DCLK1: variants seen among roughly 807,000 people sequenced by gnomAD.
DCLK1 encodes the protein doublecortin like kinase 1, also known as serine/threonine-protein kinase DCLK1.
In DCLK1, 16 loss-of-function variants were observed where a neutral mutation model predicts 86.2. The observed-to-expected ratio is 0.19, with a 90% confidence interval of 0.13 to 0.28. The LOEUF is 0.28. Ranked by LOEUF, DCLK1 falls within the 10% of genes least tolerant of loss-of-function variation. DCLK1 has a pLI of 1.00. For missense variants in DCLK1, 590 were observed against 940.2 expected (o/e 0.63, Z 4.87); for synonymous variants, 369 against 370.5 (o/e 1.00, Z 0.05).
intron 3 of DCLK1, among the ~76,000 whole-genome samples, chr13:35,965,303 C>T (rs1282264609): frequency 3.3e-5 from 5 of 152,182 alleles, no homozygotes; most frequent in Non-Finnish European, 1.5e-5. Context: ...ATGAGCCAGG[C>T]TGGGCATGCG....
At chr13:36,121,941 T>A (rs1886008192) in intron 2 of DCLK1, among the ~76,000 whole-genome samples, 1 of 152,200 alleles carries the variant, frequency 6.6e-6, no homozygotes, top group South Asian at 2.1e-4. Flanking sequence ...CCCTGTTTTT[T>A]GTTTTTGCTT....
At chr13:35,958,045 CCA>C (rs1878128289) in intron 3 of DCLK1, among the ~76,000 whole-genome samples, 3 of 131,356 alleles carry the variant, frequency 2.3e-5, no homozygotes, top group African/African-American at 1.0e-4. Flanking sequence ...ACCACCACCA[CCA>C]TCACCACTAT....
intron 11 of DCLK1, among the ~76,000 whole-genome samples, chr13:35,813,891 CA>C (rs5802783): frequency 0.28 from 41,701 of 148,292 alleles, 6,467 homozygotes; most frequent in African/African-American, 0.43. Context: ...TGAAATGCTG[CA>C]AAAAAAAAAT....
chr13:35,889,923 GA>G (rs1306561825), intron 4 of DCLK1, among the ~76,000 whole-genome samples: 1 of 152,080 alleles, frequency 6.6e-6, no homozygotes, highest in Non-Finnish European at 1.5e-5. Flanking sequence ...GTTTATGAGT[GA>G]AAAAATGTAG....
chr13:35,866,047 T>G (rs1343707321), intron 5 of DCLK1, among the ~76,000 whole-genome samples: 5 of 152,076 alleles, frequency 3.3e-5, no homozygotes, highest in African/African-American at 1.2e-4. Context: ...CTGCCAGCCT[T>G]GTGTGTCTAG....
intron 3 of DCLK1, among the ~76,000 whole-genome samples, chr13:35,963,862 C>T (rs965427445): frequency 1.3e-5 from 2 of 152,134 alleles, no homozygotes; most frequent in African/African-American, 4.8e-5. Flanking sequence ...TTCCTGAGGC[C>T]TCCCCAGCAA....
At chr13:36,112,667 C>T (rs73529406) in intron 2 of DCLK1, among the ~76,000 whole-genome samples, 2,963 of 152,190 alleles carry the variant, frequency 0.019, 109 homozygotes, top group African/African-American at 0.068. Flanking sequence ...ATATAATTTA[C>T]GAATTTGATG....
At chr13:36,092,568 G>C (rs1884870622) in intron 3 of DCLK1, among the ~76,000 whole-genome samples, 1 of 133,010 alleles carries the variant, frequency 7.5e-6, no homozygotes, top group Non-Finnish European at 1.6e-5. Context: ...CTCACTGCAA[G>C]CTCCGCCTCC....
intron 4 of DCLK1, among the ~76,000 whole-genome samples, chr13:35,888,282 T>C (rs1380945925): frequency 6.6e-6 from 1 of 152,240 alleles, no homozygotes; most frequent in African/African-American, 2.4e-5. Flanking sequence ...GAACAATTTA[T>C]CTATTTTCCC....
intron 3 of DCLK1, among the ~76,000 whole-genome samples, chr13:35,994,511 AT>A (rs1262273682): frequency 6.6e-6 from 1 of 152,214 alleles, no homozygotes; most frequent in Non-Finnish European, 1.5e-5. Context: ...CTAATATAAG[AT>A]AGCAATTCTG....
At position 36,131,183 on chromosome 13, in the gene DCLK1, G is replaced by C. The variant is rs1487491421; in HGVS notation, c.-89C>G. 4 of 151,764 alleles carry C rather than the reference G, an allele frequency of 2.6e-5. No individual in the cohort carries two copies. Among genetic ancestry groups the C allele is most frequent in the African/African-American group, 9.7e-5 (4 of 41,198 alleles). 9.4% of individuals were successfully genotyped at this position (151,764 alleles called of 1,614,324 possible). Reference sequence around the variant, plus strand: ...GGGGCCGCCTCCTGGTGCTGTCCTCGCCGGGCTGGGCGCGGCCGGGGCTGC... The same window carrying C: ...GGGGCCGCCTCCTGGTGCTGTCCTCCCCGGGCTGGGCGCGGCCGGGGCTGC... On this transcript the variant is annotated 5_prime_UTR_variant, in exon 1 of 17. Transcript: ENST00000360631.
intron 5 of DCLK1, chr13:35,855,998 G>A (rs939257780): frequency 9.9e-6 from 4 of 403,886 alleles, no homozygotes; most frequent in South Asian, 1.0e-4. Context: ...TTGATTTTTC[G>A]CACTTGATGT....
chr13:36,060,547 A>C (rs1883503534), intron 3 of DCLK1, among the ~76,000 whole-genome samples: 1 of 152,212 alleles, frequency 6.6e-6, no homozygotes, highest in South Asian at 2.1e-4. Context: ...ATTTTGATTT[A>C]CATGCTGTTG....
chr13:35,964,052 T>C (rs1379452980), intron 3 of DCLK1, among the ~76,000 whole-genome samples: 1 of 152,212 alleles, frequency 6.6e-6, no homozygotes, highest in Non-Finnish European at 1.5e-5. Flanking sequence ...TACTACTGCA[T>C]GAAGTTAAAC....
intron 3 of DCLK1, among the ~76,000 whole-genome samples, chr13:35,975,434 C>A (rs547397025): frequency 6.6e-6 from 1 of 152,100 alleles, no homozygotes; most frequent in Non-Finnish European, 1.5e-5. Flanking sequence ...TGCAGGGAGG[C>A]GACACTGAGG....
intron 4 of DCLK1, among the ~76,000 whole-genome samples, chr13:35,890,405 C>T (rs1873571116): frequency 6.6e-6 from 1 of 152,070 alleles, no homozygotes; most frequent in Non-Finnish European, 1.5e-5. Flanking sequence ...ACAATATTGG[C>T]CTATTTAGGT....
At chr13:35,912,164 G>T (rs776533705) in intron 4 of DCLK1, among the ~76,000 whole-genome samples, 1 of 152,116 alleles carries the variant, frequency 6.6e-6, no homozygotes, top group African/African-American at 2.4e-5. Flanking sequence ...CCTCAGCATA[G>T]AGTTTGGCAT....
intron 4 of DCLK1, among the ~76,000 whole-genome samples, chr13:35,910,967 T>A (rs1218698272): frequency 6.6e-6 from 1 of 152,068 alleles, no homozygotes; most frequent in Non-Finnish European, 1.5e-5. Flanking sequence ...TGGTTTCAAA[T>A]CTTAGAACAC....
intron 3 of DCLK1, among the ~76,000 whole-genome samples, chr13:35,958,961 A>C (rs1311399800): frequency 6.6e-6 from 1 of 152,336 alleles, no homozygotes; most frequent in East Asian, 1.9e-4. Context: ...TAAGATCTAA[A>C]CACAGCTAAT....
Sources: allele counts gnomAD v4.1 joint callset (sites outside exome capture counted in the v4.1 genomes callset), GRCh38; gene constraint gnomAD v4.1.1; transcripts MANE v1.5; gene names NCBI Gene and HGNC (gene_info 2026-07-23, HGNC 2026-07-21).